NLGN1: variants seen among roughly 807,000 people sequenced by gnomAD.
The protein encoded by NLGN1 is neuroligin-1.
A neutral mutation model predicts 65.5 loss-of-function variants in NLGN1; 12 were observed. That is an observed-to-expected ratio of 0.18 (90% CI 0.12 to 0.30). The LOEUF is 0.30. Ranked by LOEUF, NLGN1 falls within the 10% of genes least tolerant of loss-of-function variation. NLGN1 has a pLI of 1.00. For missense variants in NLGN1, 750 were observed against 1,007.1 expected (o/e 0.74, Z 3.46); for synonymous variants, 350 against 359.5 (o/e 0.97, Z 0.30).
rs950311312 is a variant in NLGN1, at chr3:173,419,740, G to A, written c.-389-15270G>A. Among the ~76,000 whole-genome samples the A allele has an allele frequency of 3.9e-5, 6 of 152,050 alleles. No homozygotes were observed. In the South Asian group the frequency reaches 8.3e-4, roughly 21 times the overall value. On this transcript the variant is annotated intron_variant, in intron 1 of 6. Transcript: ENST00000457714. ...AATCCCAGCACTTTGGGAGGCCAAG[G>A]TGGGTGGATCAAGAGGTCAAGAGAT...
chr3:173,500,560 G>A (rs972956473), intron 2 of NLGN1, among the ~76,000 whole-genome samples: 4 of 152,038 alleles, frequency 2.6e-5, no homozygotes, highest in Non-Finnish European at 5.9e-5. Flanking sequence ...GATAATGCTG[G>A]CCTCATAAAA....
At chr3:173,977,123 GCACA>G (rs35224305) in intron 4 of NLGN1, among the ~76,000 whole-genome samples, 1 of 146,412 alleles carries the variant, frequency 6.8e-6, no homozygotes, top group African/African-American at 2.6e-5. Flanking sequence ...ACACACACAC[GCACA>G]CACACACACA....
intron 3 of NLGN1, among the ~76,000 whole-genome samples, chr3:173,792,952 A>G (rs1383571547): frequency 1.3e-5 from 2 of 152,158 alleles, no homozygotes; most frequent in Non-Finnish European, 2.9e-5. Flanking sequence ...TGTTTTAGCT[A>G]TTTTAAAACT....
intron 2 of NLGN1, among the ~76,000 whole-genome samples, chr3:173,507,241 A>G (rs1228183711): frequency 6.6e-6 from 1 of 152,064 alleles, no homozygotes; most frequent in Non-Finnish European, 1.5e-5. Context: ...TATGCTTTTG[A>G]ATGGAAGGAG....
intron 2 of NLGN1, among the ~76,000 whole-genome samples, chr3:173,555,284 A>C (rs2149276532): frequency 6.6e-6 from 1 of 152,292 alleles, no homozygotes; most frequent in African/African-American, 2.4e-5. Context: ...TAACTGGTGA[A>C]TTATATTGAA....
intron 4 of NLGN1, among the ~76,000 whole-genome samples, chr3:174,116,805 G>A (rs1716583642): frequency 6.6e-6 from 1 of 152,030 alleles, no homozygotes; most frequent in Non-Finnish European, 1.5e-5. Context: ...AGGCATATGA[G>A]CCATATTTCA....
chr3:173,429,040 C>G (rs1201294729), intron 1 of NLGN1, among the ~76,000 whole-genome samples: 1 of 152,030 alleles, frequency 6.6e-6, no homozygotes, highest in Non-Finnish European at 1.5e-5. Flanking sequence ...TAATCTTTCT[C>G]TAAGTTTGCA....
Position 174,240,127 on chromosome 3 carries a change from G to A in NLGN1, c.647-35188G>A, listed in dbSNP as rs1273788579. ...TGTATAATAAGGAAGGATACCAAGA[G>A]AATTAAACAGTAATGATAGATTTTA... On this transcript the variant is annotated intron_variant, in intron 4 of 6. Coordinates refer to ENST00000457714, the Ensembl canonical transcript of NLGN1. Among the ~76,000 whole-genome samples, 65 of 152,122 alleles carry A rather than the reference G, an allele frequency of 4.3e-4. 1 individual carries two copies. Among genetic ancestry groups the A allele is most frequent in the Non-Finnish European group, 1.0e-4 (7 of 67,970 alleles).
At chr3:173,749,903 G>A (rs1435019120) in intron 3 of NLGN1, among the ~76,000 whole-genome samples, 2 of 152,026 alleles carry the variant, frequency 1.3e-5, no homozygotes, top group Non-Finnish European at 2.9e-5. Flanking sequence ...AATTTGGGCA[G>A]TTAACGTTCC....
chr3:173,800,022 A>C (rs1228807752), intron 3 of NLGN1, among the ~76,000 whole-genome samples: 1 of 19,026 alleles, frequency 5.3e-5, no homozygotes, highest in Non-Finnish European at 1.9e-4. Flanking sequence ...TTTTTTTTTA[A>C]AAGTCTTTGC....
intron 4 of NLGN1, among the ~76,000 whole-genome samples, chr3:174,076,724 A>AGAGAGAGTGTGT (rs1491274049): frequency 7.3e-5 from 6 of 82,042 alleles, no homozygotes; most frequent in Non-Finnish European, 2.4e-5. Flanking sequence ...AGAGAGAGAG[A>AGAGAGAGTGTGT]GTGTGTGTGT....
Position 174,212,873 on chromosome 3 carries a change from C to T in NLGN1, c.647-62442C>T, listed in dbSNP as rs1245101524. Reference sequence around the variant, plus strand: ...CTACCTACAATCCTTGGCTTATGACCTCTTCTTCCATCTTCAAATGCTGCA... The same window carrying T: ...CTACCTACAATCCTTGGCTTATGACTTCTTCTTCCATCTTCAAATGCTGCA... On this transcript the variant is annotated intron_variant, in intron 4 of 6. Transcript: ENST00000457714. Among the ~76,000 whole-genome samples the T allele has an allele frequency of 3.3e-5, 5 of 152,154 alleles. No individual in the cohort carries two copies. The East Asian group carries it at 7.7e-4, about 23-fold the overall frequency.
At chr3:173,827,911 G>A (rs1479413056) in intron 4 of NLGN1, among the ~76,000 whole-genome samples, 6 of 151,878 alleles carry the variant, frequency 4.0e-5, no homozygotes, top group Non-Finnish European at 1.5e-5. Context: ...GATGACACCT[G>A]CCCACATTGG....
In NLGN1 at chr3:173,694,692, T is replaced by C. The variant is rs368400924; in HGVS notation, c.493+89601T>C. 5.3e-5 allele frequency among the ~76,000 whole-genome samples: 8 copies of C among 152,326 alleles called. No individual in the cohort carries two copies. The South Asian group carries it at 6.2e-4, about 12-fold the overall frequency. ...CTTACCTGGTAGATTCCAGCCTTCA[T>C]TGTAAATTGAAATATGAGATTATAA... On this transcript the variant is annotated intron_variant, in intron 3 of 6. Coordinates refer to ENST00000457714, the Ensembl canonical transcript of NLGN1.
At chr3:173,745,056 C>T (rs1775169801) in intron 3 of NLGN1, among the ~76,000 whole-genome samples, 1 of 152,076 alleles carries the variant, frequency 6.6e-6, no homozygotes, top group Admixed American at 6.6e-5. Flanking sequence ...CATCCCTAAC[C>T]AGAACTGATG....
rs193087845 is a variant in NLGN1 at position 173,455,793 on chromosome 3, G to A, written c.-321+20715G>A. 1.1e-4 allele frequency among the ~76,000 whole-genome samples: 17 copies of A among 151,982 alleles called. No individual in the cohort carries two copies. In the East Asian group the frequency reaches 2.7e-3, roughly 24 times the overall value. On this transcript the variant is annotated intron_variant, in intron 2 of 6. Coordinates refer to ENST00000457714, the Ensembl canonical transcript of NLGN1. Reference sequence around the variant, plus strand: ...ATATGTTTATAGAGATTTATTTTACGTTATTGGCTTACACTGTTATGGAGG... The same window carrying A: ...ATATGTTTATAGAGATTTATTTTACATTATTGGCTTACACTGTTATGGAGG...
At chr3:174,204,578 G>A (rs1735066177) in intron 4 of NLGN1, among the ~76,000 whole-genome samples, 1 of 152,136 alleles carries the variant, frequency 6.6e-6, no homozygotes, top group South Asian at 2.1e-4. Context: ...TAAAGTTTGG[G>A]GTGAAAGTCT....
At chr3:173,879,222 A>G (rs1403957364) in intron 4 of NLGN1, among the ~76,000 whole-genome samples, 1 of 151,464 alleles carries the variant, frequency 6.6e-6, no homozygotes, top group Non-Finnish European at 1.5e-5. Context: ...ACAAAGTGAC[A>G]CTTTGTCTCA....
intron 4 of NLGN1, among the ~76,000 whole-genome samples, chr3:174,124,626 C>T (rs1448819159): frequency 9.0e-6 from 1 of 110,684 alleles, no homozygotes; most frequent in Non-Finnish European, 1.8e-5. Context: ...TACGTATACA[C>T]ATATACGTAT....
Sources: gnomAD v4.1 joint callset for allele counts (sites outside exome capture counted in the v4.1 genomes callset) on GRCh38, gnomAD v4.1.1 for gene constraint, MANE v1.5 for transcripts, NCBI Gene and HGNC (gene_info 2026-07-23, HGNC 2026-07-21) for gene names.